The following SGCZ variants were observed in gnomAD, a reference collection of about 807,000 sequenced individuals.
SGCZ encodes the protein sarcoglycan zeta.
SGCZ carries 40 observed loss-of-function variants against 41.3 expected under a neutral mutation model. The ratio of observed to expected loss-of-function variants is 0.97; its 90% CI spans 0.75 to 1.26. The LOEUF is 1.26. Ranked by LOEUF, SGCZ falls within the 50% of genes most tolerant of loss-of-function variation. The pLI is 0.00. For missense variants in SGCZ, 552 were observed against 369.8 expected, an observed-to-expected ratio of 1.49 and a Z score of -4.04; for synonymous variants, 206 against 137.5, an observed-to-expected ratio of 1.50 and a Z score of -3.49.
chr8:14,107,202 C>T (rs759550235), intron 6 of SGCZ, among the ~76,000 whole-genome samples: 9 of 149,590 alleles, frequency 6.0e-5, no homozygotes, highest in African/African-American at 1.5e-4. Flanking sequence ...GGTGACAGAA[C>T]GAGACTCCAT....
intron 2 of SGCZ, among the ~76,000 whole-genome samples, chr8:14,533,683 C>T (rs1803206680): frequency 1.3e-5 from 2 of 151,962 alleles, no homozygotes; most frequent in Admixed American, 1.3e-4. Context: ...TATCCATCAA[C>T]AGAAGGTTTT....
intron 5 of SGCZ, among the ~76,000 whole-genome samples, chr8:14,146,890 A>AAAAAAAAAAAAATAATAATAATAAT (rs1182329393): frequency 8.6e-6 from 1 of 116,184 alleles, no homozygotes; most frequent in African/African-American, 3.6e-5. Context: ...AAAATAAAAA[A>AAAAAAAAAAAAATAATAATAATAAT]AATAATAATA....
intron 1 of SGCZ, among the ~76,000 whole-genome samples, chr8:15,061,109 T>C (rs1804908102): frequency 6.6e-6 from 1 of 151,308 alleles, no homozygotes; most frequent in South Asian, 2.1e-4. Flanking sequence ...TTATCAAATG[T>C]TAGCCAGCTA....
intron 1 of SGCZ, among the ~76,000 whole-genome samples, chr8:14,974,864 GAA>G (rs58302235): frequency 0.12 from 16,007 of 132,504 alleles, 1,311 homozygotes; most frequent in African/African-American, 0.24. Context: ...GTGATTTTAG[GAA>G]AAAAAAAAAA....
intron 1 of SGCZ, among the ~76,000 whole-genome samples, chr8:14,824,868 TTTG>T (rs1802242569): frequency 6.6e-6 from 1 of 152,118 alleles, no homozygotes; most frequent in African/African-American, 2.4e-5. Context: ...CTCTTACTAC[TTTG>T]TTTTCAACTG....
At chr8:14,536,806 G>A (rs1803311038) in intron 2 of SGCZ, among the ~76,000 whole-genome samples, 1 of 151,794 alleles carries the variant, frequency 6.6e-6, no homozygotes, top group Admixed American at 6.6e-5. Flanking sequence ...ATGAGTTAAT[G>A]TGAAGATATA....
chr8:14,282,280 G>C (rs1800472329), intron 3 of SGCZ, among the ~76,000 whole-genome samples: 1 of 151,906 alleles, frequency 6.6e-6, no homozygotes, highest in Non-Finnish European at 1.5e-5. Flanking sequence ...TTGTTTCTTA[G>C]AGTCAGGGGT....
intron 1 of SGCZ, among the ~76,000 whole-genome samples, chr8:15,005,793 C>T: frequency 6.6e-6 from 1 of 152,278 alleles, no homozygotes; most frequent in East Asian, 1.9e-4. Flanking sequence ...CTTTATTATG[C>T]TGACACCAGT....
At chr8:14,403,288 T>C (rs1184335593) in intron 2 of SGCZ, among the ~76,000 whole-genome samples, 9 of 150,470 alleles carry the variant, frequency 6.0e-5, no homozygotes, top group African/African-American at 2.0e-4. Flanking sequence ...TATTTCCTTC[T>C]CCTGCCTCAC....
At chr8:14,462,429 A>G (rs760533531) in intron 2 of SGCZ, among the ~76,000 whole-genome samples, 58 of 152,180 alleles carry the variant, frequency 3.8e-4, no homozygotes, top group Non-Finnish European at 7.2e-4. Flanking sequence ...TTGTGCTACT[A>G]TCATTATCGT....
chr8:14,591,338 C>T (rs1401075786), intron 1 of SGCZ, among the ~76,000 whole-genome samples: 1 of 151,706 alleles, frequency 6.6e-6, no homozygotes, highest in Non-Finnish European at 1.5e-5. Flanking sequence ...TAATCCAGGC[C>T]CCTTTTAAAC....
chr8:14,623,626 T>C (rs1397285), intron 1 of SGCZ, among the ~76,000 whole-genome samples: 60,781 of 152,052 alleles, frequency 0.4, 12,451 homozygotes, highest in East Asian at 0.71. Flanking sequence ...ATTTTCCAGG[T>C]TTCTTTGTAG....
At chr8:15,161,906 A>G (rs1799522071) in intron 1 of SGCZ, among the ~76,000 whole-genome samples, 2 of 152,118 alleles carry the variant, frequency 1.3e-5, no homozygotes, top group Non-Finnish European at 2.9e-5. Flanking sequence ...GTGGGGGTGC[A>G]CACCTGTAGT....
At chr8:14,623,009 C>G (rs1306644949) in intron 1 of SGCZ, among the ~76,000 whole-genome samples, 1 of 152,100 alleles carries the variant, frequency 6.6e-6, no homozygotes, top group Non-Finnish European at 1.5e-5. Flanking sequence ...TGAAAAGGTC[C>G]TGGCTTTTCT....
At chr8:14,343,835 A>G (rs1460217383) in intron 2 of SGCZ, among the ~76,000 whole-genome samples, 3 of 152,168 alleles carry the variant, frequency 2.0e-5, no homozygotes, top group Non-Finnish European at 2.9e-5. Context: ...CAGACACTAA[A>G]TCTAGAGTTT....
chr8:14,445,590 C>T (rs765484271), intron 2 of SGCZ, among the ~76,000 whole-genome samples: 20 of 152,140 alleles, frequency 1.3e-4, no homozygotes, highest in Non-Finnish European at 2.6e-4. Context: ...CACCACTCAA[C>T]AAAATTCTCC....
At chr8:15,095,194 G>A (rs1585556728) in intron 1 of SGCZ, among the ~76,000 whole-genome samples, 1 of 152,102 alleles carries the variant, frequency 6.6e-6, no homozygotes, top group South Asian at 2.1e-4. Context: ...CATCTCCCGG[G>A]TTCAAGCGAC....
At chr8:14,577,598 G>A (rs895382167) in intron 1 of SGCZ, among the ~76,000 whole-genome samples, 20 of 151,934 alleles carry the variant, frequency 1.3e-4, no homozygotes, top group Non-Finnish European at 2.9e-4. Flanking sequence ...ATATTGGCCA[G>A]GCTGGTCTCC....
At chr8:14,109,300 C>T (rs183966786) in intron 5 of SGCZ, among the ~76,000 whole-genome samples, 2 of 152,066 alleles carry the variant, frequency 1.3e-5, no homozygotes, top group East Asian at 3.9e-4. Context: ...TCCAGATTCT[C>T]ATAGCTTTTT....
Sources: gnomAD v4.1 joint callset for allele counts (sites outside exome capture counted in the v4.1 genomes callset) on GRCh38, gnomAD v4.1.1 for gene constraint, MANE v1.5 for transcripts, NCBI Gene and HGNC (gene_info 2026-07-23, HGNC 2026-07-21) for gene names.